ADAR: variants seen among roughly 807,000 people sequenced by gnomAD.
ADAR encodes the protein double-stranded RNA-specific adenosine deaminase.
Under a neutral mutation model 113.2 loss-of-function variants are expected in ADAR, and 41 were observed. The observed-to-expected ratio is 0.36, with a 90% CI of 0.28 to 0.47. The LOEUF (loss-of-function observed/expected upper bound fraction) is 0.47, where lower values mean the gene tolerates loss of function less well. Ranked by LOEUF, ADAR falls within the 20% of genes least tolerant of loss-of-function variation. The pLI, the probability that ADAR is intolerant of heterozygous loss-of-function variation, is 1.00. For synonymous variants in ADAR, 605 were observed against 572.6 expected (o/e 1.06, Z -0.81); for missense variants, 1,242 against 1,540.9 (o/e 0.81, Z 3.25).
chr1:154,623,923 A>T (rs1285799066), intron 1 of ADAR, among the ~76,000 whole-genome samples: 2 of 152,042 alleles, frequency 1.3e-5, no homozygotes, highest in African/African-American at 4.8e-5. Context: ...GAATCACTTG[A>T]ACCTGGGAGG....
chr1:154,596,709 T>G, intron 6 of ADAR, 96 bp downstream of exon 6: 1 of 1,451,222 alleles, frequency 6.9e-7, no homozygotes, highest in South Asian at 1.2e-5. Flanking sequence ...ACTCGCCCCT[T>G]CTGTCCTACA....
At chr1:154,585,127 G>C in intron 14 of ADAR, 84 bp from the exon 15 acceptor site, 1 of 1,611,938 alleles carries the variant, frequency 6.2e-7, no homozygotes, top group Non-Finnish European at 8.5e-7. Flanking sequence ...AGGGGAGGCG[G>C]CTCTCAAGCC....
intron 1 of ADAR, among the ~76,000 whole-genome samples, chr1:154,624,510 A>G (rs536959508): frequency 1.3e-5 from 2 of 152,364 alleles, no homozygotes; most frequent in African/African-American, 4.8e-5. Flanking sequence ...TTCACTATAC[A>G]ACTACAAGTC....
chr1:154,590,855 G>A (rs1571069605), intron 6 of ADAR, among the ~76,000 whole-genome samples: 5 of 152,088 alleles, frequency 3.3e-5, no homozygotes, highest in Admixed American at 3.3e-4. Context: ...TTGGGAGGCT[G>A]GGGTGAGAGG....
At chr1:154,613,336 G>A (rs536099313) in intron 1 of ADAR, among the ~76,000 whole-genome samples, 1 of 140,862 alleles carries the variant, frequency 7.1e-6, no homozygotes, top group East Asian at 2.1e-4. Flanking sequence ...CCAGGCTGGA[G>A]TGCAGTGGCA....
rs1553215340 is a variant in ADAR, at chr1:154,607,733, G to GCGCA, written c.15+258_15+259insTGCG. On this transcript the variant is annotated intron_variant, in intron 1 of 14. Transcript: ENST00000368474. ...CTGCTTGGCAAGACTACACACACAC[G>GCGCA]CACACACACACACACACACTCTCAC... is the stretch of plus-strand genomic sequence containing the variant. Among the ~76,000 whole-genome samples the GCGCA allele has an allele frequency of 2.3e-3, 175 of 74,892 alleles. 1 individual carries two copies. The highest frequency in any genetic ancestry group is 6.4e-3 in the African/African-American group (160 of 24,932). 49.1% of individuals were successfully genotyped at this position (74,892 alleles called of 152,430 possible).
intron 6 of ADAR, among the ~76,000 whole-genome samples, chr1:154,594,142 A>G (rs1210597652): frequency 6.6e-6 from 1 of 152,208 alleles, no homozygotes. Flanking sequence ...TCGGCCTCCC[A>G]AAGTGCTGGG....
At chr1:154,589,734 G>A in intron 8 of ADAR, 23 bp downstream of exon 8, 5 of 1,614,008 alleles carry the variant, frequency 3.1e-6, no homozygotes, top group Non-Finnish European at 4.2e-6. Flanking sequence ...ATGGGAGGCG[G>A]CATGTCTCAG....
Position 154,597,994 on chromosome 1 carries a change from CAAG to C in ADAR, c.1786-21_1786-19del. ...TCTGCAGTCTAGAGAAAATGAGAGA[CAAG>C]AAGAAAACAAAACTAAGAAAACACT... On this transcript the variant is annotated intron_variant, in intron 3 of 14. Transcript: ENST00000368474. 3.7e-6 allele frequency: 6 copies of C among 1,612,002 alleles called. No individual in the cohort carries two copies. The highest frequency in any genetic ancestry group is 5.1e-6 in the Non-Finnish European group (6 of 1,178,974).
At chr1:154,588,750 A>C in intron 9 of ADAR, 77 bp from the exon 10 acceptor site, 1 of 1,583,216 alleles carries the variant, frequency 6.3e-7, no homozygotes, top group Non-Finnish European at 8.7e-7. Flanking sequence ...TGACCTCCAA[A>C]TGAGAAAGTA....
intron 1 of ADAR, among the ~76,000 whole-genome samples, chr1:154,619,604 A>G (rs1305391357): frequency 3.9e-5 from 6 of 152,188 alleles, no homozygotes; most frequent in Non-Finnish European, 8.8e-5. Flanking sequence ...CCTCAAAATA[A>G]GAAGAGGAAG....
intron 1 of ADAR, among the ~76,000 whole-genome samples, chr1:154,606,935 T>TAAA (rs3058643): frequency 0.26 from 8,592 of 32,512 alleles, 300 homozygotes; most frequent in East Asian, 0.46. Flanking sequence ...AAGGAGTGCT[T>TAAA]AAAAAAAAAA....
chr1:154,602,434 C>T lies in ADAR; in HGVS notation c.208G>A (p.Gly70Arg), dbSNP rs1338810357. The change falls in exon 2 of 15, where the codon GGA becomes AGA. Residue 70 changes from glycine to arginine, a missense_variant. Physicochemically the swap from Gly to Arg is moderately radical, Grantham distance 125. This residue lies in a region of ADAR where 462 missense variants were observed against 483.1 expected (regional missense o/e 0.96). Coordinates refer to ENST00000368474, the MANE Select transcript of ADAR (RefSeq NM_001111.5). ...AGTACTGGAAACCTTGGCCGGAGTC[C>T]TGGGAGGGAAGGTGGCAGTGACGGT... ...QTPSLPPSLP[G>R]LRPRFPVLLA... 1 of 1,611,332 alleles carries T rather than the reference C, an allele frequency of 6.2e-7. No homozygotes were observed. The highest frequency in any genetic ancestry group is 1.3e-5 in the African/African-American group (1 of 74,998).
At chr1:154,623,507 G>A (rs1349826720) in intron 1 of ADAR, among the ~76,000 whole-genome samples, 1 of 152,146 alleles carries the variant, frequency 6.6e-6, no homozygotes, top group African/African-American at 2.4e-5. Flanking sequence ...GCCTGCCTAG[G>A]ACCTCTGAAC....
rs1376080802 is a variant in ADAR at position 154,613,702 on chromosome 1, C to T, written c.-870-11076G>A. Among the ~76,000 whole-genome samples, 2 of 151,930 alleles carry T rather than the reference C, an allele frequency of 1.3e-5. 1 individual carries two copies. The highest frequency in any genetic ancestry group is 4.2e-4 in the South Asian group (2 of 4,806). Reference sequence around the variant, plus strand: ...GGTGGATCACCTGAGGTCGGGAGTTCGAGACCCGCCTGACTAACATAGAGA... The same window carrying T: ...GGTGGATCACCTGAGGTCGGGAGTTTGAGACCCGCCTGACTAACATAGAGA... On this transcript the variant is annotated intron_variant, in intron 1 of 14. Coordinates refer to the ADAR transcript ENST00000368471.
chr1:154,585,669 C>T (rs1053793311), intron 13 of ADAR, 84 bp downstream of exon 13: 1 of 1,210,620 alleles, frequency 8.3e-7, no homozygotes, highest in African/African-American at 1.5e-5. Flanking sequence ...GTTCCCCTTG[C>T]CCACAGTGTA....
rs139223007 is a variant in ADAR at position 154,614,061 on chromosome 1, A to T, written c.-870-11435T>A. Among the ~76,000 whole-genome samples the T allele has an allele frequency of 1.6e-3, 241 of 152,294 alleles. 1 individual carries two copies. Among genetic ancestry groups the T allele is most frequent in the Admixed American group, 3.6e-3 (55 of 15,300 alleles). On this transcript the variant is annotated intron_variant, in intron 1 of 14. Transcript: ENST00000368471. ...CAACTAGCTATATGTGCCAGGCTTA[A>T]GTATTATATAATAAAGATATAACAT... is the stretch of plus-strand genomic sequence containing the variant.
At chr1:154,623,076 C>G (rs914785377) in intron 1 of ADAR, among the ~76,000 whole-genome samples, 4 of 151,822 alleles carry the variant, frequency 2.6e-5, no homozygotes, top group African/African-American at 9.7e-5. Context: ...GACACTCTGT[C>G]CTCAAGGGGC....
At chr1:154,625,501 G>A (rs1300266310) in intron 1 of ADAR, among the ~76,000 whole-genome samples, 5 of 152,240 alleles carry the variant, frequency 3.3e-5, no homozygotes, top group South Asian at 2.1e-4. Flanking sequence ...AGTTGTTAGA[G>A]GGATGAAATA....
Sources: gnomAD v4.1 joint callset for allele counts (sites outside exome capture counted in the v4.1 genomes callset) on GRCh38, gnomAD v4.1.1 for gene constraint, gnomAD v4.1.1 regional missense constraint, MANE v1.5 for transcripts, NCBI Gene and HGNC (gene_info 2026-07-23, HGNC 2026-07-21) for gene names.